Variants in RASSF2 observed in about 807,000 individuals in gnomAD.
RASSF2 encodes the protein ras association domain-containing protein 2.
A neutral mutation model predicts 46.3 loss-of-function variants in RASSF2; 34 were observed. The observed-to-expected ratio is 0.73, with a 90% CI of 0.56 to 0.98. RASSF2 has a LOEUF of 0.98. Among genes scored for constraint, RASSF2 ranks in the 50% least tolerant of loss-of-function variants. The pLI is 0.00. For synonymous variants in RASSF2, 158 were observed against 162.5 expected (o/e 0.97, Z 0.21); for missense variants, 364 against 431.2 (o/e 0.84, Z 1.38).
At position 4,795,958 on chromosome 20, in the gene RASSF2, G is replaced by C. The variant is rs751229585; in HGVS notation, c.144C>G (p.Asp48Glu). 4.6e-6 allele frequency: 7 copies of C among 1,520,312 alleles called. No individual in the cohort carries two copies. The African/African-American group carries it at 7.0e-5, about 15-fold the overall frequency. 94.2% of individuals were successfully genotyped at this position (1,520,312 alleles called of 1,614,324 possible). A position where few individuals can be genotyped will look rare whatever the true frequency, so the allele number is the denominator to read the frequency against. Reference protein sequence around the residue: ...NLQLRHREEEDEFIVEGLLNI... With the variant: ...NLQLRHREEEEEFIVEGLLNI... ...TCAGGAGCCCCTCCACAATGAACTC[G>C]TCTTCTTCCTGCCCACAAAGCAATC... is the stretch of plus-strand genomic sequence containing the variant. Residue 48 changes from aspartate (D) to glutamate (E), a missense_variant, in exon 5 of 12, where the codon GAC (aspartate) becomes GAG (glutamate). Coordinates refer to ENST00000379400, the MANE Select transcript of RASSF2 (RefSeq NM_014737.3). This position sits in a 1 kb window ranked among gnomAD's most constrained non-coding sequence, Gnocchi z 4.0.
rs58419787 is a variant in RASSF2, at chr20:4,802,901, T to C, written c.-32-1839A>G. 8.3e-3 allele frequency among the ~76,000 whole-genome samples: 631 copies of C among 76,248 alleles called. 6 individuals carry two copies. The highest frequency in any genetic ancestry group is 0.03 in the East Asian group (82 of 2,748). The allele number at this position is 76,248 out of a possible 152,430, so 50.0% of individuals were successfully genotyped here. ...GTGTGTGTATATATATATATACATA[T>C]ATATATATATATATTTTTTTTTTTT... On this transcript the variant is annotated intron_variant, in intron 2 of 11. Coordinates refer to ENST00000379400, the MANE Select transcript of RASSF2 (RefSeq NM_014737.3).
intron 2 of RASSF2, among the ~76,000 whole-genome samples, chr20:4,814,237 G>T (rs1390486882): frequency 1.3e-5 from 2 of 152,196 alleles, no homozygotes; most frequent in Non-Finnish European, 2.9e-5. Flanking sequence ...CCATCTGAGG[G>T]TTCGTCTCCC....
In RASSF2 at chr20:4,795,503, A is replaced by G. The variant is rs559259545; in HGVS notation, c.287+312T>C. 3.8e-4 allele frequency: 95 copies of G among 253,136 alleles called. No individual in the cohort carries two copies. The Admixed American group carries it at 5.0e-3, about 13-fold the overall frequency. The allele number at this position is 253,136 out of a possible 1,614,324, so 15.7% of individuals were successfully genotyped here. A position where few individuals can be genotyped will look rare whatever the true frequency, so the allele number is the denominator to read the frequency against. On this transcript the variant is annotated intron_variant, in intron 5 of 11. Coordinates refer to ENST00000379400, the MANE Select transcript of RASSF2 (RefSeq NM_014737.3). This position sits in a 1 kb window ranked among gnomAD's most constrained non-coding sequence, Gnocchi z 4.0. ...ATATACAGGCTGGGCCTCACTAGCC[A>G]CTAGCAGCTCCACTCAGAGACTCCT...
rs1384177167 is a variant in RASSF2, at chr20:4,782,310, A to G, written c.*1963T>C. ...ATTACTGGGGCCAACTAAGGCCCTG[A>G]ACATTCAAAATAAAAATTACCAGAA... On this transcript the variant is annotated 3_prime_UTR_variant, in exon 12 of 12. Transcript: ENST00000379400. The G allele has an allele frequency of 2.6e-5, 4 of 152,702 alleles. No homozygotes were observed. The highest frequency in any genetic ancestry group is 9.6e-5 in the African/African-American group (4 of 41,474). The allele number at this position is 152,702 out of a possible 1,614,324, so 9.5% of individuals were successfully genotyped here.
intron 10 of RASSF2, 40 bp from the exon 11 acceptor site, chr20:4,786,368 A>T (rs766794182): frequency 4.8e-6 from 7 of 1,446,668 alleles, no homozygotes; most frequent in Non-Finnish European, 6.8e-6. Flanking sequence ...TGCCCTTCCC[A>T]GCATTATTCC....
At chr20:4,797,539 G>A (rs1926447132) in intron 4 of RASSF2, among the ~76,000 whole-genome samples, 1 of 152,014 alleles carries the variant, frequency 6.6e-6, no homozygotes, top group East Asian at 1.9e-4. Context: ...AAGCAACCTA[G>A]GATGACCAAG....
intron 3 of RASSF2, 128 bp downstream of exon 3, chr20:4,800,844 C>T (rs1926800135): frequency 7.8e-6 from 6 of 769,118 alleles, no homozygotes; most frequent in South Asian, 5.9e-5. Context: ...TTGGCTCCTT[C>T]CCCCATGCAG....
rs192079578 is a variant in RASSF2 at position 4,815,759 on chromosome 20, A to C, written c.-33+6570T>G. ...GCAGTGGGTCTGGGCCCCAAGGGCC[A>C]GCTGCCAGCAGCCAGCAAGCCATGC... On this transcript the variant is annotated intron_variant, in intron 2 of 11. Transcript: ENST00000379400. Among the ~76,000 whole-genome samples, 650 of 152,356 alleles carry C rather than the reference A, an allele frequency of 4.3e-3. 7 individuals are homozygous for C. The highest frequency in any genetic ancestry group is 0.012 in the African/African-American group (519 of 41,574).
chr20:4,802,941 C>A lies in RASSF2; in HGVS notation c.-32-1879G>T, dbSNP rs192377265. On this transcript the variant is annotated intron_variant, in intron 2 of 11. Transcript: ENST00000379400. ...TTTTTTTTTTTGAGACAGAGACTCA[C>A]TCTGTTACCCAGGCTGGAGTGCAGT... Among the ~76,000 whole-genome samples, 671 of 144,810 alleles carry A rather than the reference C, an allele frequency of 4.6e-3. 6 individuals are homozygous for A. Among genetic ancestry groups the A allele is most frequent in the Non-Finnish European group, 4.4e-3 (295 of 67,124 alleles).
intron 9 of RASSF2, 129 bp downstream of exon 9, chr20:4,788,088 C>G: frequency 1.1e-6 from 1 of 941,808 alleles, no homozygotes; most frequent in South Asian, 1.5e-5. Context: ...GCCCATCAGC[C>G]TTGAAGGCAA....
rs2061559782 is a variant in RASSF2, at chr20:4,790,677, T to C, written c.377-66A>G. 2 of 1,363,284 alleles carry C rather than the reference T, an allele frequency of 1.5e-6. No homozygotes were observed. Among genetic ancestry groups the C allele is most frequent in the Non-Finnish European group, 2.0e-6 (2 of 1,020,882 alleles). 84.4% of individuals were successfully genotyped at this position (1,363,284 alleles called of 1,614,324 possible). On this transcript the variant is annotated intron_variant, in intron 6 of 11. Coordinates refer to ENST00000379400, the MANE Select transcript of RASSF2 (RefSeq NM_014737.3). The surrounding 1 kb of genome is among the most constrained non-coding windows in gnomAD (Gnocchi z 4.3). ...TGGGACATGGCACATGGTCCCCAAT[T>C]TGTGGCCAGTGCGACAGCACCCACT...
Position 4,787,675 on chromosome 20 carries a change from C to T in RASSF2, c.771G>A (p.Val257=). 2.5e-6 allele frequency: 4 copies of T among 1,614,158 alleles called. No individual in the cohort carries two copies. Among genetic ancestry groups the T allele is most frequent in the Non-Finnish European group, 3.4e-6 (4 of 1,180,040 alleles). Residue 257 remains valine, a synonymous_variant, in exon 10 of 12, where the codon GTG becomes GTA. Coordinates refer to ENST00000379400, the MANE Select transcript of RASSF2 (RefSeq NM_014737.3). ...CCACCTGGTCCTTCTCCATTAGGAA[C>T]ACTTTGGAGATCTGCTCACATGGGC... ...LQGPCEQISK[V]FLMEKDQVEE...
At chr20:4,805,503 C>A (rs1338790923) in intron 2 of RASSF2, among the ~76,000 whole-genome samples, 1 of 152,128 alleles carries the variant, frequency 6.6e-6, no homozygotes, top group Non-Finnish European at 1.5e-5. Flanking sequence ...GACTTCAAGA[C>A]TTCTGGACTC....
In RASSF2 at chr20:4,798,104, A is replaced by G. The variant is rs1378840299; in HGVS notation, c.60-19T>C. ...TTCATTTCTTAGGGGGAAAAATAGA[A>G]GAGATATAACATTATCAGCTGAAGC... On this transcript the variant is annotated intron_variant, in intron 3 of 11. Coordinates refer to ENST00000379400, the MANE Select transcript of RASSF2 (RefSeq NM_014737.3). 3 of 1,613,068 alleles carry G rather than the reference A, an allele frequency of 1.9e-6. No homozygotes were observed. The highest frequency in any genetic ancestry group is 2.5e-6 in the Non-Finnish European group (3 of 1,179,380).
chr20:4,820,687 G>A (rs746911216), intron 2 of RASSF2, among the ~76,000 whole-genome samples: 11 of 152,120 alleles, frequency 7.2e-5, no homozygotes, highest in Non-Finnish European at 1.6e-4. Flanking sequence ...AGCTGTGGCA[G>A]TTCTCAGCTA....
rs1053328055 is a variant in RASSF2, at chr20:4,780,418, CTT to C, written c.*3853_*3854del. 1.3e-5 allele frequency: 2 copies of C among 152,224 alleles called. No individual in the cohort carries two copies. The highest frequency in any genetic ancestry group is 4.8e-5 in the African/African-American group (2 of 41,462). The allele number at this position is 152,224 out of a possible 1,614,324, so 9.4% of individuals were successfully genotyped here. On this transcript the variant is annotated 3_prime_UTR_variant, in exon 12 of 12. Transcript: ENST00000379400. The stretch of plus-strand genomic sequence containing the variant: ...ACACAAGGGGCGCTTCAACACCCCC[CTT>C]GTGATAGGGCAGAGCTTTCTATTAC...
At chr20:4,786,137 A>G (rs1389863565) in intron 11 of RASSF2, 94 bp downstream of exon 11, 2 of 1,007,846 alleles carry the variant, frequency 2.0e-6, no homozygotes, top group East Asian at 2.4e-5. Context: ...AGGCCCATGC[A>G]GCAGCTCAGC....
chr20:4,812,985 A>G lies in RASSF2; in HGVS notation c.-33+9344T>C, dbSNP rs997820427. Among the ~76,000 whole-genome samples the G allele has an allele frequency of 2.0e-5, 3 of 152,070 alleles. No individual in the cohort carries two copies. The highest frequency in any genetic ancestry group is 7.2e-5 in the African/African-American group (3 of 41,408). ...AGAGGACAAGCTGTGGGAAAAGCAG[A>G]CCCTGCAGGGGCCAGGGAGAGAGGC... is the stretch of plus-strand genomic sequence containing the variant. On this transcript the variant is annotated intron_variant, in intron 2 of 11. Coordinates refer to ENST00000379400, the MANE Select transcript of RASSF2 (RefSeq NM_014737.3). The surrounding 1 kb of genome is among the most constrained non-coding windows in gnomAD (Gnocchi z 4.0).
intron 3 of RASSF2, among the ~76,000 whole-genome samples, chr20:4,800,723 A>G (rs759251267): frequency 2.0e-5 from 3 of 152,022 alleles, no homozygotes; most frequent in Non-Finnish European, 4.4e-5. Flanking sequence ...TGAGCCCCCA[A>G]AGTTTCTGCG....
Sources: gnomAD v4.1 joint callset for allele counts (sites outside exome capture counted in the v4.1 genomes callset) on GRCh38, gnomAD v4.1.1 for gene constraint, Gnocchi (gnomAD v3.1) non-coding constraint, MANE v1.5 for transcripts, NCBI Gene and HGNC (gene_info 2026-07-23, HGNC 2026-07-21) for gene names.